FLT3: variants seen among roughly 807,000 people sequenced by gnomAD.
FLT3 encodes the protein receptor-type tyrosine-protein kinase FLT3.
Under a neutral mutation model 126.6 loss-of-function variants are expected in FLT3, and 46 were observed. The observed-to-expected ratio is 0.36, with a 90% CI of 0.29 to 0.46. The LOEUF is 0.46. Ranked by LOEUF, FLT3 falls within the 20% of genes least tolerant of loss-of-function variation. The probability of loss-of-function intolerance (pLI) is 1.00; values close to 1 mark genes in which losing one functional copy is unlikely to be tolerated. For synonymous variants in FLT3, 404 were observed against 434.4 expected (o/e 0.93, Z 0.87); for missense variants, 1,069 against 1,190.3 (o/e 0.90, Z 1.50).
intron 5 of FLT3, among the ~76,000 whole-genome samples, chr13:28,051,857 A>T (rs1160491423): frequency 6.6e-6 from 1 of 151,664 alleles, no homozygotes; most frequent in East Asian, 1.9e-4. Flanking sequence ...AGAATTTCTT[A>T]CTTATAAGAT....
At chr13:28,034,774 G>C in intron 12 of FLT3, among the ~76,000 whole-genome samples, 1 of 152,128 alleles carries the variant, frequency 6.6e-6, no homozygotes, top group East Asian at 1.9e-4. Context: ...AGGCAACACA[G>C]TGAAATCCCG....
rs55675449 is a variant in FLT3, at chr13:28,098,314, C to CAAAAAAAAAAAAAAAA, written c.43+2138_43+2153dup. ...TGGGTGACAGAGCAAGACTCCGTCTCAAAAAAAAAAAAAAAAAAAAAAGTA... is the reference window on the plus strand; with the variant it reads ...TGGGTGACAGAGCAAGACTCCGTCTCAAAAAAAAAAAAAAAAAAAAAAAAAAAAAAAAAAAAAAGTA... On this transcript the variant is annotated intron_variant, in intron 1 of 23. Transcript: ENST00000241453. 1.1e-3 allele frequency among the ~76,000 whole-genome samples: 93 copies of CAAAAAAAAAAAAAAAA among 85,284 alleles called. 1 individual carries two copies. The highest frequency in any genetic ancestry group is 3.6e-3 in the African/African-American group (91 of 25,590). 55.9% of individuals were successfully genotyped at this position (85,284 alleles called of 152,430 possible).
At chr13:28,018,863 A>C (rs951261027) in intron 19 of FLT3, among the ~76,000 whole-genome samples, 21 of 152,202 alleles carry the variant, frequency 1.4e-4, no homozygotes, top group African/African-American at 4.8e-4. Flanking sequence ...TTCCGAGCAA[A>C]AGTGAGAGGC....
intron 20 of FLT3, among the ~76,000 whole-genome samples, chr13:28,018,205 G>A (rs551570176): frequency 6.6e-6 from 1 of 152,170 alleles, no homozygotes; most frequent in Non-Finnish European, 1.5e-5. Flanking sequence ...AGTGAGGATT[G>A]CACTCAAAGG....
At chr13:28,091,899 G>A (rs1207324531) in intron 1 of FLT3, among the ~76,000 whole-genome samples, 5 of 151,866 alleles carry the variant, frequency 3.3e-5, no homozygotes, top group East Asian at 2.0e-4. Context: ...GTGAAACCCC[G>A]TCTTTACTAA....
At chr13:28,089,831 T>G (rs1465148447) in intron 1 of FLT3, among the ~76,000 whole-genome samples, 1 of 150,380 alleles carries the variant, frequency 6.6e-6, no homozygotes, top group East Asian at 2.0e-4. Context: ...ACCTCCTGGG[T>G]TCAAGCAATT....
At chr13:28,091,384 G>A (rs913717097) in intron 1 of FLT3, among the ~76,000 whole-genome samples, 58 of 149,408 alleles carry the variant, frequency 3.9e-4, no homozygotes, top group African/African-American at 1.3e-3. Context: ...ACCACGCCCG[G>A]CTAATTTTTT....
At chr13:28,066,699 G>C (rs1877068310) in intron 2 of FLT3, among the ~76,000 whole-genome samples, 1 of 151,800 alleles carries the variant, frequency 6.6e-6, no homozygotes, top group South Asian at 2.1e-4. Context: ...AGGGGAAAGG[G>C]GCAGTGCTTC....
Position 28,034,419 on chromosome 13 carries a change from G to T in FLT3, c.1598-12C>A. 6.4e-7 allele frequency: 1 copy of T among 1,574,294 alleles called. No homozygotes were observed. Among genetic ancestry groups the T allele is most frequent in the South Asian group, 1.1e-5 (1 of 90,064 alleles). ...GAAAGGGAAGGGGCCTGCAACAAAA[G>T]AGTGTCACTCAGCGATGAAACAGAA... On this transcript the variant is annotated splice_polypyrimidine_tract_variant and intron_variant, in intron 12 of 23. Coordinates refer to ENST00000241453, the MANE Select transcript of FLT3 (RefSeq NM_004119.3).
intron 21 of FLT3, 99 bp from the exon 22 acceptor site, chr13:28,015,355 A>G (rs1029243364): frequency 8.9e-6 from 8 of 895,406 alleles, no homozygotes; most frequent in Admixed American, 2.1e-5. Context: ...CATGTGCCAG[A>G]CACTGTTGCA....
chr13:28,003,986 T>C lies in FLT3; in HGVS notation c.*66A>G. The C allele has an allele frequency of 1.3e-6, 2 of 1,566,820 alleles. No homozygotes were observed. Among genetic ancestry groups the C allele is most frequent in the South Asian group, 2.2e-5 (2 of 89,018 alleles). On this transcript the variant is annotated 3_prime_UTR_variant, in exon 24 of 24. Coordinates refer to ENST00000241453, the MANE Select transcript of FLT3 (RefSeq NM_004119.3). Reference sequence around the variant, plus strand: ...TCTTTTAGTGATGAAATTAATCTTGTTTTGGTAATCTACAGCCTGTTAGGG... The same window carrying C: ...TCTTTTAGTGATGAAATTAATCTTGCTTTGGTAATCTACAGCCTGTTAGGG...
At chr13:28,062,466 G>A (rs1876656567) in intron 2 of FLT3, among the ~76,000 whole-genome samples, 1 of 152,076 alleles carries the variant, frequency 6.6e-6, no homozygotes, top group Non-Finnish European at 1.5e-5. Flanking sequence ...GAGGAGGCAG[G>A]GCACGGTGGC....
intron 1 of FLT3, among the ~76,000 whole-genome samples, chr13:28,074,791 C>A (rs1256339470): frequency 6.6e-6 from 1 of 152,094 alleles, no homozygotes; most frequent in Non-Finnish European, 1.5e-5. Context: ...CTGGTGCGCA[C>A]CACCATACCT....
intron 1 of FLT3, among the ~76,000 whole-genome samples, chr13:28,074,670 T>C (rs1055801081): frequency 1.3e-5 from 2 of 152,134 alleles, no homozygotes; most frequent in African/African-American, 4.8e-5. Flanking sequence ...AGACAGGGTC[T>C]CACCCTGTCA....
chr13:28,043,229 G>C (rs1874542463), intron 9 of FLT3, among the ~76,000 whole-genome samples: 1 of 151,668 alleles, frequency 6.6e-6, no homozygotes, highest in Non-Finnish European at 1.5e-5. Context: ...AGCTAAGGTA[G>C]ATTTGGAATT....
intron 11 of FLT3, 67 bp downstream of exon 11, chr13:28,035,868 T>C: frequency 3.0e-6 from 4 of 1,341,104 alleles, no homozygotes; most frequent in Non-Finnish European, 4.3e-6. Context: ...ACTGTATTCA[T>C]GAAAGAGTCA....
intron 9 of FLT3, among the ~76,000 whole-genome samples, chr13:28,038,280 G>A (rs1874022091): frequency 6.6e-6 from 1 of 152,136 alleles, no homozygotes; most frequent in South Asian, 2.1e-4. Context: ...ATACTGCAGT[G>A]AGATGTTGGA....
intron 2 of FLT3, among the ~76,000 whole-genome samples, chr13:28,063,773 T>C (rs1414322197): frequency 6.7e-6 from 1 of 149,216 alleles, no homozygotes; most frequent in East Asian, 1.9e-4. Context: ...CCTTAAAGAG[T>C]TTGAGTCTCC....
chr13:28,070,458 A>G (rs1181359643), intron 2 of FLT3, 33 bp downstream of exon 2: 4 of 1,584,112 alleles, frequency 2.5e-6, no homozygotes, highest in Non-Finnish European at 3.4e-6. Flanking sequence ...CTAGAGAAAA[A>G]CAGCTAAAGG....
Sources: gnomAD v4.1 joint callset for allele counts (sites outside exome capture counted in the v4.1 genomes callset) on GRCh38, gnomAD v4.1.1 for gene constraint, MANE v1.5 for transcripts, NCBI Gene and HGNC (gene_info 2026-07-23, HGNC 2026-07-21) for gene names.